Variants in SPAG16 observed in about 807,000 individuals in gnomAD.
SPAG16 encodes the protein sperm associated antigen 16.
In SPAG16, 86 loss-of-function variants were observed where a neutral mutation model predicts 80.4. The observed-to-expected ratio is 1.07, with a 90% CI of 0.90 to 1.28. The LOEUF (loss-of-function observed/expected upper bound fraction) is 1.28, where lower values mean the gene tolerates loss of function less well. Ranked by LOEUF, SPAG16 falls within the 50% of genes most tolerant of loss-of-function variation. The pLI is 0.00. For missense variants in SPAG16, 870 were observed against 765.3 expected, an observed-to-expected ratio of 1.14 and a Z score of -1.61; for synonymous variants, 294 against 265.9, an observed-to-expected ratio of 1.11 and a Z score of -1.03.
At chr2:214,344,728 C>A (rs1697946409) in intron 15 of SPAG16, among the ~76,000 whole-genome samples, 1 of 152,078 alleles carries the variant, frequency 6.6e-6, no homozygotes, top group Non-Finnish European at 1.5e-5. Context: ...ACGTTCGAAA[C>A]CAGAATCACT....
chr2:213,787,284 G>A (rs923605596), intron 10 of SPAG16, among the ~76,000 whole-genome samples: 2 of 152,096 alleles, frequency 1.3e-5, no homozygotes, highest in African/African-American at 4.8e-5. Flanking sequence ...TAAAGAAGTA[G>A]AAGTTGATGA....
chr2:213,532,186 A>G (rs1165794197), intron 10 of SPAG16, among the ~76,000 whole-genome samples: 1 of 152,212 alleles, frequency 6.6e-6, no homozygotes, highest in Non-Finnish European at 1.5e-5. Flanking sequence ...AAATTATTAT[A>G]ATGTCATGTT....
At chr2:213,524,853 A>T (rs148058999) in intron 10 of SPAG16, among the ~76,000 whole-genome samples, 79 of 152,270 alleles carry the variant, frequency 5.2e-4, no homozygotes, top group Middle Eastern at 3.4e-3. Flanking sequence ...TGGACTTGGA[A>T]TTTTGAGTTA....
chr2:213,766,252 G>A (rs1229245501), intron 10 of SPAG16, among the ~76,000 whole-genome samples: 1 of 152,208 alleles, frequency 6.6e-6, no homozygotes, highest in East Asian at 1.9e-4. Context: ...ACAGGAGAAA[G>A]GGAGTGACTG....
At chr2:214,090,061 T>C (rs1457533954) in intron 13 of SPAG16, among the ~76,000 whole-genome samples, 3 of 151,972 alleles carry the variant, frequency 2.0e-5, no homozygotes, top group African/African-American at 7.2e-5. Context: ...ATTGATAACA[T>C]ATCTATACAC....
intron 9 of SPAG16, among the ~76,000 whole-genome samples, chr2:213,451,762 C>CGTATGTGTGT (rs1392221516): frequency 6.6e-6 from 1 of 152,036 alleles, no homozygotes; most frequent in Non-Finnish European, 1.5e-5. Context: ...CCGGGTGTGC[C>CGTATGTGTGT]GTATGTTGAG....
intron 15 of SPAG16, among the ~76,000 whole-genome samples, chr2:214,358,049 T>G (rs895648232): frequency 6.6e-6 from 1 of 152,028 alleles, no homozygotes. Context: ...ATATTCTTGA[T>G]GTATCTTTCT....
intron 15 of SPAG16, among the ~76,000 whole-genome samples, chr2:214,322,533 A>T (rs867589407): frequency 1.3e-5 from 2 of 152,026 alleles, no homozygotes; most frequent in South Asian, 2.1e-4. Flanking sequence ...GCATCAGAAA[A>T]ATTGAAAGCA....
Position 213,930,096 on chromosome 2 carries a change from G to T in SPAG16, c.1351G>T (p.Val451Leu), listed in dbSNP as rs2078681859. ...CACATGGCACTCCTGCGGCAATTTT[G>T]TGGCTTCCTCCTCACTGGATAAAAC... is the stretch of plus-strand genomic sequence containing the variant. Reference protein sequence around the residue: ...SCTWHSCGNFVASSSLDKTSK... With the variant: ...SCTWHSCGNFLASSSLDKTSK... Residue 451 changes from valine (V) to leucine (L), a missense_variant, in exon 12 of 16, where the codon GTG (valine) becomes TTG (leucine). By Grantham distance (32) the Val-to-Leu change is conservative. Coordinates refer to ENST00000331683, the MANE Select transcript of SPAG16 (RefSeq NM_024532.5). 5 of 1,613,886 alleles carry T rather than the reference G, an allele frequency of 3.1e-6. No homozygotes were observed. Among genetic ancestry groups the T allele is most frequent in the Non-Finnish European group, 4.2e-6 (5 of 1,179,930 alleles).
intron 15 of SPAG16, among the ~76,000 whole-genome samples, chr2:214,377,034 A>G (rs755897617): frequency 2.6e-5 from 4 of 152,244 alleles, no homozygotes; most frequent in Non-Finnish European, 4.4e-5. Context: ...TTAAATAATA[A>G]CTACCTAAAG....
chr2:213,989,588 A>G (rs921779647), intron 12 of SPAG16, among the ~76,000 whole-genome samples: 2 of 152,126 alleles, frequency 1.3e-5, no homozygotes, highest in Admixed American at 1.3e-4. Context: ...CACAGCCAGG[A>G]ACAGTCATAT....
chr2:213,844,611 T>C (rs1392416707), intron 10 of SPAG16, among the ~76,000 whole-genome samples: 2 of 152,210 alleles, frequency 1.3e-5, no homozygotes, highest in African/African-American at 4.8e-5. Flanking sequence ...ATGTTCTTGT[T>C]TTTTGATTTA....
chr2:213,371,104 T>C (rs2066604176), intron 8 of SPAG16, among the ~76,000 whole-genome samples: 1 of 152,128 alleles, frequency 6.6e-6, no homozygotes, highest in Non-Finnish European at 1.5e-5. Context: ...GGTATCCTAC[T>C]TAGGGACTGT....
intron 12 of SPAG16, 23 bp from the exon 13 acceptor site, chr2:214,013,928 A>T: frequency 6.2e-7 from 1 of 1,609,856 alleles, no homozygotes; most frequent in South Asian, 1.1e-5. Flanking sequence ...AACTCCTAAA[A>T]TTCTTAATTT....
intron 15 of SPAG16, among the ~76,000 whole-genome samples, chr2:214,287,966 A>T (rs2125924712): frequency 6.6e-6 from 1 of 152,260 alleles, no homozygotes; most frequent in South Asian, 2.1e-4. Context: ...TATACAATAC[A>T]TTTGTTGCTA....
At chr2:214,078,316 G>T (rs954212082) in intron 13 of SPAG16, among the ~76,000 whole-genome samples, 1 of 152,064 alleles carries the variant, frequency 6.6e-6, no homozygotes, top group East Asian at 1.9e-4. Context: ...ACTTTGGTAG[G>T]TTGAGGCAGG....
intron 15 of SPAG16, among the ~76,000 whole-genome samples, chr2:214,283,437 G>C (rs1003638481): frequency 6.6e-6 from 1 of 151,852 alleles, no homozygotes; most frequent in Admixed American, 6.6e-5. Context: ...AAATACTTCA[G>C]GTATTTCTAA....
intron 15 of SPAG16, among the ~76,000 whole-genome samples, chr2:214,215,448 T>A (rs1267786465): frequency 6.6e-6 from 1 of 152,188 alleles, no homozygotes; most frequent in African/African-American, 2.4e-5. Flanking sequence ...CTTTGTTTAC[T>A]CCTCCCTTCA....
intron 15 of SPAG16, among the ~76,000 whole-genome samples, chr2:214,178,385 T>C (rs774746271): frequency 6.6e-6 from 1 of 151,006 alleles, no homozygotes; most frequent in Non-Finnish European, 1.5e-5. Flanking sequence ...TATATAAAAT[T>C]AGAAACAGAT....
Sources: allele counts gnomAD v4.1 joint callset (sites outside exome capture counted in the v4.1 genomes callset), GRCh38; gene constraint gnomAD v4.1.1; transcripts MANE v1.5; gene names NCBI Gene and HGNC (gene_info 2026-07-23, HGNC 2026-07-21).